LNP1: variants seen among roughly 807,000 people sequenced by gnomAD.
LNP1 encodes the protein leukemia NUP98 fusion partner 1.
A neutral mutation model predicts 14.5 loss-of-function variants in LNP1; 12 were observed. The ratio of observed to expected loss-of-function variants is 0.83; its 90% CI spans 0.53 to 1.34. The LOEUF (loss-of-function observed/expected upper bound fraction) is 1.34, where lower values mean the gene tolerates loss of function less well. Ranked by LOEUF, LNP1 falls within the 40% of genes most tolerant of loss-of-function variation. The probability of loss-of-function intolerance (pLI) is 0.00; values close to 1 mark genes in which losing one functional copy is unlikely to be tolerated. For missense variants in LNP1, 198 were observed against 210.9 expected (o/e 0.94, Z 0.38); for synonymous variants, 75 against 71.4 (o/e 1.05, Z -0.26).
At chr3:100,412,662 T>A (rs1347643016) in intron 1 of LNP1, among the ~76,000 whole-genome samples, 4 of 152,200 alleles carry the variant, frequency 2.6e-5, no homozygotes, top group African/African-American at 9.7e-5. Context: ...AAATCTACAA[T>A]GCCTTCTCTA....
In LNP1 at chr3:100,447,262, T is replaced by C. The variant is rs566668670; in HGVS notation, c.157-4457T>C. ...GGCACATATACACAATGGAATACTA[T>C]GCAGCCATAAAAAAGGATGAGTTTA... On this transcript the variant is annotated intron_variant, in intron 2 of 3. Transcript: ENST00000383693. 1.6e-4 allele frequency among the ~76,000 whole-genome samples: 25 copies of C among 152,306 alleles called. No individual in the cohort carries two copies. In the South Asian group the frequency reaches 5.2e-3, roughly 32 times the overall value.
At chr3:100,414,408 A>G (rs900220471) in intron 1 of LNP1, among the ~76,000 whole-genome samples, 4 of 152,070 alleles carry the variant, frequency 2.6e-5, no homozygotes, top group African/African-American at 9.7e-5. Context: ...TTAGCTGGGC[A>G]TGGTGGCAGG....
intron 2 of LNP1, among the ~76,000 whole-genome samples, chr3:100,433,179 A>G (rs909081579): frequency 2.0e-5 from 3 of 151,996 alleles, no homozygotes; most frequent in African/African-American, 7.2e-5. Context: ...TAAGCCCTGC[A>G]TGCATTAGGT....
intron 2 of LNP1, among the ~76,000 whole-genome samples, chr3:100,446,991 A>G (rs564029725): frequency 6.6e-6 from 1 of 151,292 alleles, no homozygotes; most frequent in African/African-American, 2.5e-5. Flanking sequence ...ATGCTTTTAC[A>G]CTGTTGGTGG....
At chr3:100,404,681 T>A (rs1313855360) in intron 1 of LNP1, among the ~76,000 whole-genome samples, 2 of 152,180 alleles carry the variant, frequency 1.3e-5, no homozygotes, top group Non-Finnish European at 2.9e-5. Flanking sequence ...CCTTTTTACC[T>A]CTAGCCCTAT....
intron 3 of LNP1, among the ~76,000 whole-genome samples, chr3:100,452,856 T>C (rs1021601295): frequency 4.6e-5 from 7 of 152,106 alleles, no homozygotes; most frequent in African/African-American, 1.7e-4. Context: ...AAACTAAAGA[T>C]CAATTAATGT....
chr3:100,433,353 GT>G (rs1707260158), intron 2 of LNP1, among the ~76,000 whole-genome samples: 1 of 152,064 alleles, frequency 6.6e-6, no homozygotes, highest in Non-Finnish European at 1.5e-5. Flanking sequence ...TTTGCTGAGG[GT>G]GATGGCTTCC....
intron 1 of LNP1, among the ~76,000 whole-genome samples, chr3:100,416,703 CA>C (rs1394561888): frequency 5.7e-5 from 7 of 122,912 alleles, no homozygotes; most frequent in Non-Finnish European, 1.2e-4. Flanking sequence ...TATATAAATA[CA>C]TTTTTTTGTT....
intron 1 of LNP1, among the ~76,000 whole-genome samples, chr3:100,417,427 A>G (rs1191792101): frequency 1.8e-5 from 2 of 111,350 alleles, no homozygotes; most frequent in African/African-American, 7.2e-5. Flanking sequence ...CCCAGACTGT[A>G]GTGCACTGGT....
chr3:100,435,667 T>A (rs1354376339), intron 2 of LNP1, among the ~76,000 whole-genome samples: 2 of 151,004 alleles, frequency 1.3e-5, no homozygotes, highest in Non-Finnish European at 3.0e-5. Flanking sequence ...GGAGGAGGGG[T>A]AGGGGGTAGG....
At chr3:100,446,006 T>TA (rs1707383821) in intron 2 of LNP1, among the ~76,000 whole-genome samples, 1 of 152,164 alleles carries the variant, frequency 6.6e-6, no homozygotes, top group African/African-American at 2.4e-5. Flanking sequence ...ATCAATATCG[T>TA]AAAAATGGCC....
intron 1 of LNP1, among the ~76,000 whole-genome samples, chr3:100,420,950 A>G (rs2148901423): frequency 6.6e-6 from 1 of 151,560 alleles, no homozygotes; most frequent in African/African-American, 2.4e-5. Context: ...TAAGTCTGTG[A>G]TCCATTTTGA....
chr3:100,429,524 G>A (rs148415940), intron 1 of LNP1, among the ~76,000 whole-genome samples, 173 bp from the exon 2 acceptor site: 1 of 152,280 alleles, frequency 6.6e-6, no homozygotes, highest in East Asian at 1.9e-4. Context: ...TTTATAAATA[G>A]ACATTGCCCA....
At chr3:100,447,419 G>T (rs1042197523) in intron 2 of LNP1, among the ~76,000 whole-genome samples, 4 of 151,964 alleles carry the variant, frequency 2.6e-5, no homozygotes, top group African/African-American at 9.7e-5. Context: ...TGGACACAGT[G>T]GGGGGAACAT....
At chr3:100,450,813 GT>G (rs1043385035) in intron 2 of LNP1, among the ~76,000 whole-genome samples, 82 of 152,264 alleles carry the variant, frequency 5.4e-4, no homozygotes, top group African/African-American at 1.8e-3. Context: ...CCATAAAGGA[GT>G]TACCTGCCTT....
chr3:100,451,190 C>T (rs961157198), intron 2 of LNP1, among the ~76,000 whole-genome samples: 5 of 152,206 alleles, frequency 3.3e-5, no homozygotes, highest in Admixed American at 6.5e-5. Flanking sequence ...AGAATTCATG[C>T]CCCTGACACA....
chr3:100,438,669 A>G (rs1173127546), intron 2 of LNP1, among the ~76,000 whole-genome samples: 2 of 152,192 alleles, frequency 1.3e-5, no homozygotes, highest in Non-Finnish European at 1.5e-5. Flanking sequence ...TTTCTTTGAC[A>G]GAGATTGTTG....
At chr3:100,432,362 G>GTGA (rs1707251236) in intron 2 of LNP1, among the ~76,000 whole-genome samples, 2 of 151,912 alleles carry the variant, frequency 1.3e-5, no homozygotes, top group Admixed American at 1.3e-4. Context: ...AAACCACAGT[G>GTGA]ATCAACATTA....
intron 2 of LNP1, among the ~76,000 whole-genome samples, chr3:100,449,261 T>A (rs62274153): frequency 2.0e-5 from 3 of 149,488 alleles, no homozygotes; most frequent in Non-Finnish European, 4.5e-5. Context: ...TTTTTTTTTT[T>A]AATAAAGACA....
Sources: gnomAD v4.1 joint callset for allele counts (sites outside exome capture counted in the v4.1 genomes callset) on GRCh38, gnomAD v4.1.1 for gene constraint, MANE v1.5 for transcripts, NCBI Gene and HGNC (gene_info 2026-07-23, HGNC 2026-07-21) for gene names.